The following NAV3 variants were observed in gnomAD, a reference collection of about 807,000 sequenced individuals.
NAV3 encodes the protein neuron navigator 3.
NAV3 carries 87 observed loss-of-function variants against 244.7 expected under a neutral mutation model. The observed-to-expected ratio is 0.36, with a 90% CI of 0.30 to 0.42. The LOEUF (loss-of-function observed/expected upper bound fraction) is 0.42, where lower values mean the gene tolerates loss of function less well. NAV3 is among the 20% of genes least tolerant of loss of function. The probability of loss-of-function intolerance (pLI) is 1.00; values close to 1 mark genes in which losing one functional copy is unlikely to be tolerated. For missense variants in NAV3, 2,663 were observed against 2,893.3 expected, an observed-to-expected ratio of 0.92 and a Z score of 1.83; for synonymous variants, 1,126 against 1,042.2, an observed-to-expected ratio of 1.08 and a Z score of -1.55.
At chr12:77,594,990 A>T (rs142719258) in intron 2 of NAV3, among the ~76,000 whole-genome samples, 72 of 152,336 alleles carry the variant, frequency 4.7e-4, no homozygotes, top group African/African-American at 1.7e-3. Flanking sequence ...ATGGAAAAAA[A>T]GTATGGAGGT....
chr12:77,918,249 A>G (rs2137132104), intron 1 of NAV3, among the ~76,000 whole-genome samples: 1 of 152,194 alleles, frequency 6.6e-6, no homozygotes, highest in East Asian at 1.9e-4. Context: ...GTGACCCTCC[A>G]TTTGGACAAG....
chr12:77,719,402 GTT>G (rs978998896), intron 2 of NAV3, among the ~76,000 whole-genome samples: 12 of 142,850 alleles, frequency 8.4e-5, no homozygotes, highest in African/African-American at 2.5e-4. Context: ...ATCTTTCAGA[GTT>G]TTTTTTTTTT....
chr12:77,670,695 C>T (rs984168104), intron 2 of NAV3, among the ~76,000 whole-genome samples: 10 of 152,086 alleles, frequency 6.6e-5, no homozygotes, highest in Admixed American at 2.6e-4. Context: ...ATCAGACGAT[C>T]TTCTCAATAG....
chr12:77,621,613 G>A (rs1871376350), intron 2 of NAV3, among the ~76,000 whole-genome samples: 1 of 151,498 alleles, frequency 6.6e-6, no homozygotes, highest in Non-Finnish European at 1.5e-5. Context: ...CCAAGTAGCT[G>A]TGGCAACAGG....
intron 2 of NAV3, among the ~76,000 whole-genome samples, chr12:77,689,561 G>A (rs906715404): frequency 6.6e-6 from 1 of 151,800 alleles, no homozygotes; most frequent in African/African-American, 2.4e-5. Flanking sequence ...GCAGATGGTG[G>A]TTACCTTAGC....
intron 5 of NAV3, among the ~76,000 whole-genome samples, chr12:77,981,326 G>A (rs1192865959): frequency 6.6e-6 from 1 of 152,106 alleles, no homozygotes; most frequent in Non-Finnish European, 1.5e-5. Context: ...AGTGCTAATA[G>A]CATGTTAGTT....
chr12:78,181,990 T>C (rs1958517263), intron 30 of NAV3, among the ~76,000 whole-genome samples: 1 of 152,052 alleles, frequency 6.6e-6, no homozygotes, highest in African/African-American at 2.4e-5. Context: ...GCCTTCATCT[T>C]ATATGTAAAA....
At chr12:77,850,020 T>C (rs1302781859) in intron 1 of NAV3, among the ~76,000 whole-genome samples, 1 of 152,210 alleles carries the variant, frequency 6.6e-6, no homozygotes, top group African/African-American at 2.4e-5. Context: ...TCTACGCCCG[T>C]GTCCTAAGCG....
intron 3 of NAV3, among the ~76,000 whole-genome samples, chr12:77,954,766 A>T (rs940424772): frequency 2.0e-5 from 3 of 152,228 alleles, no homozygotes; most frequent in African/African-American, 7.2e-5. Flanking sequence ...AACTGAATTT[A>T]AAAATGAAAT....
At chr12:77,672,926 TAAC>T (rs747362569) in intron 2 of NAV3, among the ~76,000 whole-genome samples, 1 of 152,140 alleles carries the variant, frequency 6.6e-6, no homozygotes, top group Non-Finnish European at 1.5e-5. Context: ...ATGAGGAAAA[TAAC>T]AACTAAGGGC....
chr12:77,611,878 T>C (rs1278094523), intron 2 of NAV3, among the ~76,000 whole-genome samples: 1 of 152,054 alleles, frequency 6.6e-6, no homozygotes, highest in African/African-American at 2.4e-5. Context: ...AATATATTGA[T>C]TGAATAAGCT....
chr12:78,175,189 CTG>C, intron 24 of NAV3, 115 bp from the exon 25 acceptor site: 1 of 1,064,188 alleles, frequency 9.4e-7, no homozygotes, highest in Non-Finnish European at 1.3e-6. Context: ...TTGAAATTAT[CTG>C]TACAAAGCCT....
chr12:77,662,196 C>T (rs1053291950), intron 2 of NAV3, among the ~76,000 whole-genome samples: 3 of 150,570 alleles, frequency 2.0e-5, no homozygotes, highest in African/African-American at 7.3e-5. Flanking sequence ...AATGGCATAT[C>T]TCACCTTATT....
chr12:77,640,336 C>G (rs1395166933), intron 2 of NAV3, among the ~76,000 whole-genome samples: 1 of 151,964 alleles, frequency 6.6e-6, no homozygotes, highest in African/African-American at 2.4e-5. Context: ...AATCATTTTG[C>G]AGAGAAGAAC....
intron 31 of NAV3, among the ~76,000 whole-genome samples, chr12:78,187,553 C>A (rs1326093843): frequency 6.6e-6 from 1 of 151,572 alleles, no homozygotes; most frequent in Non-Finnish European, 1.5e-5. Flanking sequence ...TCTCAAAATC[C>A]CATCCTACAA....
At chr12:78,134,761 T>C (rs1956302827) in intron 18 of NAV3, among the ~76,000 whole-genome samples, 1 of 152,078 alleles carries the variant, frequency 6.6e-6, no homozygotes, top group South Asian at 2.1e-4. Context: ...CTCACAATAA[T>C]AGTATTTAAT....
chr12:78,037,440 T>C, intron 9 of NAV3: 1 of 638,340 alleles, frequency 1.6e-6, no homozygotes, highest in Non-Finnish European at 2.8e-6. Context: ...AATTTCATAG[T>C]CTCTTATGAA....
At chr12:77,980,555 C>T (rs1156482262) in intron 5 of NAV3, among the ~76,000 whole-genome samples, 1 of 151,954 alleles carries the variant, frequency 6.6e-6, no homozygotes, top group African/African-American at 2.4e-5. Flanking sequence ...TGGTCTTTGC[C>T]TAAGTTGGTT....
At chr12:77,918,500 C>A (rs1357810405) in intron 1 of NAV3, among the ~76,000 whole-genome samples, 1 of 152,098 alleles carries the variant, frequency 6.6e-6, no homozygotes, top group East Asian at 1.9e-4. Flanking sequence ...AAACCCAAAA[C>A]TCCATGTCTT....
Sources: gnomAD v4.1 joint callset for allele counts (sites outside exome capture counted in the v4.1 genomes callset) on GRCh38, gnomAD v4.1.1 for gene constraint, MANE v1.5 for transcripts, NCBI Gene and HGNC (gene_info 2026-07-23, HGNC 2026-07-21) for gene names.